Variants in SRP14 observed in about 807,000 individuals in gnomAD.
SRP14 encodes the protein signal recognition particle 14.
Under a neutral mutation model 16.0 loss-of-function variants are expected in SRP14, and 1 was observed. The ratio of observed to expected loss-of-function variants is 0.06; its 90% CI spans 0.02 to 0.30. The LOEUF is 0.30. SRP14 is among the 10% of genes least tolerant of loss of function. The pLI is 1.00. For synonymous variants in SRP14, 67 were observed against 60.1 expected, an observed-to-expected ratio of 1.12 and a Z score of -0.53; for missense variants, 120 against 163.1, an observed-to-expected ratio of 0.74 and a Z score of 1.44.
Position 40,036,103 on chromosome 15 carries a change from T to C in SRP14, c.*230A>G, listed in dbSNP as rs1033905764. On this transcript the variant is annotated 3_prime_UTR_variant, in exon 5 of 5. Transcript: ENST00000267884. ...CAGAGATGTCTACAGAGACTTTTAA[T>C]CTATAATCCAGGAGTATATAACCAT... 3.2e-6 allele frequency: 2 copies of C among 631,874 alleles called. No individual in the cohort carries two copies. The highest frequency in any genetic ancestry group is 2.6e-6 in the Non-Finnish European group (1 of 384,012). 39.1% of individuals were successfully genotyped at this position (631,874 alleles called of 1,614,324 possible).
Position 40,038,353 on chromosome 15 carries a change from C to T in SRP14, c.139G>A (p.Glu47Lys), listed in dbSNP as rs772340011. ...TTGTTGTCTGCGGGCTCAAAGCCCT[C>T]CACAGTACCCTTCTTTGGAATGGGT... Reference protein sequence around the residue: ...TKPIPKKGTVEGFEPADNKCL... With the variant: ...TKPIPKKGTVKGFEPADNKCL... The change falls in exon 3 of 5, where the codon GAG becomes AAG. Residue 47 changes from glutamate (E) to lysine (K), a missense_variant. Around this residue, in one of 3 missense-constraint regions of SRP14, gnomAD observed 44 missense variants for 93.1 expected, o/e 0.47. Coordinates refer to ENST00000267884, the MANE Select transcript of SRP14 (RefSeq NM_003134.6). 3 of 1,614,096 alleles carry T rather than the reference C, an allele frequency of 1.9e-6. No homozygotes were observed. In the Admixed American group the frequency reaches 5.0e-5, roughly 27 times the overall value.
rs1595446218 is a variant in SRP14 at position 40,038,630 on chromosome 15, G to A, written c.98-236C>T. The A allele has an allele frequency of 6.6e-6, 4 of 609,012 alleles. No individual in the cohort carries two copies. In the East Asian group the frequency reaches 1.1e-4, roughly 17 times the overall value. The allele number at this position is 609,012 out of a possible 1,614,324, so 37.7% of individuals were successfully genotyped here. ...AATTCCACTCAAAGTGGCGGCGTCTGGGATCCCTGACAAAGAGCCCTGGGC... is the reference window on the plus strand; with the variant it reads ...AATTCCACTCAAAGTGGCGGCGTCTAGGATCCCTGACAAAGAGCCCTGGGC... On this transcript the variant is annotated intron_variant, in intron 2 of 4. Transcript: ENST00000267884.
At position 40,038,862 on chromosome 15, in the gene SRP14, C is replaced by G; in HGVS notation, c.97+14G>C. ...ACCCAGGGAGCATCGCCCGGCTCCC[C>G]TCCCGCTGCTTACACTTCTTCAAGG... On this transcript the variant is annotated intron_variant, in intron 2 of 4. Transcript: ENST00000267884. 1 of 1,613,388 alleles carries G rather than the reference C, an allele frequency of 6.2e-7. No homozygotes were observed. Among genetic ancestry groups the G allele is most frequent in the Non-Finnish European group, 8.5e-7 (1 of 1,179,736 alleles).
rs984305154 is a variant in SRP14, at chr15:40,038,784, A to C, written c.97+92T>G. The C allele has an allele frequency of 3.6e-6, 5 of 1,373,186 alleles. No homozygotes were observed. In the African/African-American group the frequency reaches 7.2e-5, roughly 20 times the overall value. The allele number at this position is 1,373,186 out of a possible 1,614,324, so 85.1% of individuals were successfully genotyped here. On this transcript the variant is annotated intron_variant, in intron 2 of 4. Transcript: ENST00000267884. ...CTCAGTACAGGGTGGGGAAAGGTAGAGGAAGGCGGCGGTCCGCGGCAGACA... is the reference window on the plus strand; with the variant it reads ...CTCAGTACAGGGTGGGGAAAGGTAGCGGAAGGCGGCGGTCCGCGGCAGACA...
At chr15:40,038,495 A>G in intron 2 of SRP14, 101 bp from the exon 3 acceptor site, 1 of 760,068 alleles carries the variant, frequency 1.3e-6, no homozygotes, top group Admixed American at 2.2e-5. Context: ...GACCTAACCC[A>G]GCCCCGCTGC....
Position 40,036,280 on chromosome 15 carries a change from G to A in SRP14, c.*53C>T. ...CAGAAACCTAGCTATCTGGCCAAAA[G>A]GAAAAAATAGCAATTCAGTGGTTAA... On this transcript the variant is annotated 3_prime_UTR_variant, in exon 5 of 5. Transcript: ENST00000267884. The A allele has an allele frequency of 1.2e-6, 2 of 1,603,714 alleles. No homozygotes were observed. The highest frequency in any genetic ancestry group is 1.7e-6 in the Non-Finnish European group (2 of 1,171,856).
intron 3 of SRP14, 28 bp downstream of exon 3, chr15:40,038,254 A>C (rs1246316987): frequency 1.3e-6 from 2 of 1,543,710 alleles, no homozygotes; most frequent in South Asian, 2.2e-5. Flanking sequence ...TTTACATTTC[A>C]AAAGACAGCC....
At chr15:40,037,054 T>A in intron 3 of SRP14, 36 bp from the exon 4 acceptor site, 1 of 1,608,934 alleles carries the variant, frequency 6.2e-7, no homozygotes, top group Non-Finnish European at 8.5e-7. Flanking sequence ...ATACCTATTA[T>A]CCATATAAGC....
At chr15:40,038,770 G>A in intron 2 of SRP14, 106 bp downstream of exon 2, 1 of 1,222,324 alleles carries the variant, frequency 8.2e-7, no homozygotes, top group Non-Finnish European at 1.2e-6. Flanking sequence ...TCAGTACAGG[G>A]TGGGGAAAGG....
intron 3 of SRP14, chr15:40,037,452 C>T: frequency 1.2e-6 from 1 of 833,670 alleles, no homozygotes; most frequent in South Asian, 1.9e-5. Flanking sequence ...TTAAACCTGC[C>T]TTCCATTAAT....
Position 40,036,194 on chromosome 15 carries a change from C to A in SRP14, c.*139G>T. The A allele has an allele frequency of 1.4e-6, 2 of 1,428,208 alleles. No homozygotes were observed. Among genetic ancestry groups the A allele is most frequent in the South Asian group, 1.4e-5 (1 of 73,818 alleles). 88.5% of individuals were successfully genotyped at this position (1,428,208 alleles called of 1,614,324 possible). A position where few individuals can be genotyped will look rare whatever the true frequency, so the allele number is the denominator to read the frequency against. On this transcript the variant is annotated 3_prime_UTR_variant, in exon 5 of 5. Transcript: ENST00000267884. ...TCTTACCACAACTATCCTATAAACA[C>A]TGCAACTATTCTTTCCAAAAGGACC...
At chr15:40,038,792 G>T in intron 2 of SRP14, 84 bp downstream of exon 2, 1 of 1,446,836 alleles carries the variant, frequency 6.9e-7, no homozygotes, top group Non-Finnish European at 9.6e-7. Flanking sequence ...AGAGGAAGGC[G>T]GCGGTCCGCG....
In SRP14 at chr15:40,038,987, A is replaced by G. The variant is rs753318768; in HGVS notation, c.25-39T>C. The G allele has an allele frequency of 1.2e-5, 20 of 1,606,262 alleles. 1 individual carries two copies. The Middle Eastern group carries it at 5.0e-4, about 40-fold the overall frequency. On this transcript the variant is annotated intron_variant, in intron 1 of 4. Coordinates refer to ENST00000267884, the MANE Select transcript of SRP14 (RefSeq NM_003134.6). The stretch of plus-strand genomic sequence containing the variant: ...GGCCCAGCCCCGTTAGCCAGCCCCA[A>G]ATCCTCGTCCTGCCGCGTCAAGGCC...
rs1567014658 is a variant in SRP14 at position 40,037,617 on chromosome 15, T to TTCCAACTAAG, written c.211-600_211-599insCTTAGTTGGA. Among the ~76,000 whole-genome samples the TTCCAACTAAG allele has an allele frequency of 1.4e-4, 18 of 130,382 alleles. 5 individuals are homozygous for TTCCAACTAAG. Among genetic ancestry groups the TTCCAACTAAG allele is most frequent in the South Asian group, 4.5e-4 (2 of 4,436 alleles). 85.5% of individuals were successfully genotyped at this position (130,382 alleles called of 152,430 possible). On this transcript the variant is annotated intron_variant, in intron 3 of 4. Transcript: ENST00000267884. ...GAAGTCCTCTCAAGATAACTTGTCC[T>TTCCAACTAAG]TAGGTTTTTGTTATTTCATGATATC...
rs758916313 is a variant in SRP14 at position 40,039,164 on chromosome 15, G to A, written c.-48C>T. ...CCTCCGCTTAAGCCCCTAGCAGTGA[G>A]AGCCGGAAGTTCGGCCTAGGCTGGG... is the stretch of plus-strand genomic sequence containing the variant. On this transcript the variant is annotated 5_prime_UTR_variant, in exon 1 of 5. Coordinates refer to ENST00000267884, the MANE Select transcript of SRP14 (RefSeq NM_003134.6). 71 of 1,593,844 alleles carry A rather than the reference G, an allele frequency of 4.5e-5. No individual in the cohort carries two copies. The highest frequency in any genetic ancestry group is 1.7e-4 in the Middle Eastern group (1 of 6,008).
Position 40,038,359 on chromosome 15 carries a change from T to G in SRP14, c.133A>C (p.Thr45Pro), listed in dbSNP as rs760851293. ...GRTKPIPKKG[T>P]VEGFEPADNK... Reference sequence around the variant, plus strand: ...TCTGCGGGCTCAAAGCCCTCCACAGTACCCTTCTTTGGAATGGGTTTGGTT... The same window carrying G: ...TCTGCGGGCTCAAAGCCCTCCACAGGACCCTTCTTTGGAATGGGTTTGGTT... The change falls in exon 3 of 5, where the codon ACT becomes CCT. Residue 45 changes from threonine (T) to proline (P), a missense_variant. Thr to Pro is a conservative substitution (Grantham distance 38, BLOSUM62 -1). Around this residue, in one of 3 missense-constraint regions of SRP14, gnomAD observed 44 missense variants for 93.1 expected, o/e 0.47. Transcript: ENST00000267884. 3 of 1,614,030 alleles carry G rather than the reference T, an allele frequency of 1.9e-6. No individual in the cohort carries two copies. The highest frequency in any genetic ancestry group is 2.5e-6 in the Non-Finnish European group (3 of 1,179,914).
intron 4 of SRP14, 141 bp downstream of exon 4, chr15:40,036,845 C>G: frequency 1.0e-6 from 1 of 981,478 alleles, no homozygotes; most frequent in Non-Finnish European, 1.6e-6. Context: ...GAAATTCACA[C>G]CCTGGCAGCT....
intron 3 of SRP14, 55 bp from the exon 4 acceptor site, chr15:40,037,073 C>G: frequency 6.3e-7 from 1 of 1,582,112 alleles, no homozygotes; most frequent in Non-Finnish European, 8.6e-7. Context: ...GCATCCTCTT[C>G]TCCACCCCAG....
At chr15:40,038,451 C>CA in intron 2 of SRP14, 57 bp from the exon 3 acceptor site, 2 of 1,248,852 alleles carry the variant, frequency 1.6e-6, no homozygotes. Flanking sequence ...GAGCGGCAGA[C>CA]AAACAGTTAA....
Sources: allele counts gnomAD v4.1 joint callset (sites outside exome capture counted in the v4.1 genomes callset), GRCh38; gene constraint gnomAD v4.1.1; regional missense constraint gnomAD v4.1.1; transcripts MANE v1.5; gene names NCBI Gene and HGNC (gene_info 2026-07-23, HGNC 2026-07-21).